The following RNF180 variants were observed in gnomAD, a reference collection of about 807,000 sequenced individuals.
RNF180 encodes E3 ubiquitin-protein ligase RNF180.
RNF180 carries 38 observed loss-of-function variants against 59.2 expected under a neutral mutation model. That is an observed-to-expected ratio of 0.64 (90% confidence interval 0.50 to 0.84). RNF180 has a LOEUF of 0.84. RNF180 is among the 40% of genes least tolerant of loss of function. The pLI is 0.00. For synonymous variants in RNF180, 262 were observed against 240.3 expected (o/e 1.09, Z -0.84); for missense variants, 705 against 700.9 (o/e 1.01, Z -0.07).
intron 7 of RNF180, among the ~76,000 whole-genome samples, chr5:64,334,088 T>C (rs989026615): frequency 1.3e-5 from 2 of 152,202 alleles, no homozygotes; most frequent in African/African-American, 2.4e-5. Flanking sequence ...ATTCACTCAC[T>C]GTTGAGAATG....
chr5:64,231,707 T>G (rs1742111121), intron 5 of RNF180, among the ~76,000 whole-genome samples: 1 of 152,236 alleles, frequency 6.6e-6, no homozygotes, highest in South Asian at 2.1e-4. Flanking sequence ...TGCTGAATTT[T>G]GCTGTACCAG....
At chr5:64,236,217 C>T (rs528099354) in intron 5 of RNF180, among the ~76,000 whole-genome samples, 1 of 152,284 alleles carries the variant, frequency 6.6e-6, no homozygotes, top group African/African-American at 2.4e-5. Flanking sequence ...CTGAGTTGGT[C>T]TCAGGTGGAG....
At chr5:64,296,591 CAGT>C (rs1468535147) in intron 5 of RNF180, among the ~76,000 whole-genome samples, 6 of 151,560 alleles carry the variant, frequency 4.0e-5, no homozygotes, top group East Asian at 1.9e-4. Flanking sequence ...AGAAGAATCT[CAGT>C]AGGATTCTTT....
chr5:64,189,748 T>C (rs1242636811), intron 1 of RNF180, among the ~76,000 whole-genome samples: 5 of 152,202 alleles, frequency 3.3e-5, no homozygotes. Context: ...AAAGCATGTT[T>C]TGGAGAGGAC....
At chr5:64,208,851 T>C (rs1352603890) in intron 2 of RNF180, among the ~76,000 whole-genome samples, 1 of 152,012 alleles carries the variant, frequency 6.6e-6, no homozygotes, top group African/African-American at 2.4e-5. Context: ...TGCTGTTTTA[T>C]ATTATTTTTT....
At chr5:64,242,096 T>C (rs1415097176) in intron 5 of RNF180, among the ~76,000 whole-genome samples, 1 of 152,228 alleles carries the variant, frequency 6.6e-6, no homozygotes, top group Non-Finnish European at 1.5e-5. Flanking sequence ...CCCAGCCTTC[T>C]GACACAATCC....
chr5:64,265,707 A>G (rs1328055417), intron 5 of RNF180, among the ~76,000 whole-genome samples: 2 of 152,116 alleles, frequency 1.3e-5, no homozygotes, highest in African/African-American at 2.4e-5. Context: ...CTTGCTAGAC[A>G]GGCTCTTTTT....
intron 2 of RNF180, among the ~76,000 whole-genome samples, chr5:64,201,210 G>T (rs1274920320): frequency 3.3e-5 from 5 of 152,118 alleles, no homozygotes; most frequent in African/African-American, 7.2e-5. Context: ...AATGTTATAG[G>T]CATAAGCTGA....
At chr5:64,299,307 G>A (rs1743046381) in intron 5 of RNF180, among the ~76,000 whole-genome samples, 1 of 151,640 alleles carries the variant, frequency 6.6e-6, no homozygotes, top group South Asian at 2.1e-4. Context: ...ATTTTTCTTG[G>A]CAACTCAGGG....
intron 1 of RNF180, among the ~76,000 whole-genome samples, chr5:64,197,174 C>T (rs1369033879): frequency 6.6e-6 from 1 of 152,052 alleles, no homozygotes. Flanking sequence ...AATTCCAGTG[C>T]TTGGTATTAT....
intron 5 of RNF180, among the ~76,000 whole-genome samples, chr5:64,290,035 C>A (rs1742491602): frequency 6.6e-6 from 1 of 152,016 alleles, no homozygotes; most frequent in African/African-American, 2.4e-5. Flanking sequence ...TATAATTTTC[C>A]CTCTTAACAC....
At chr5:64,332,689 A>C (rs1407016764) in intron 7 of RNF180, among the ~76,000 whole-genome samples, 4 of 152,234 alleles carry the variant, frequency 2.6e-5, no homozygotes, top group African/African-American at 9.6e-5. Flanking sequence ...AACATACAAT[A>C]TGGACATAAA....
Position 64,293,787 on chromosome 5 carries a change from G to A in RNF180, c.1228-31399G>A, listed in dbSNP as rs143129841. Among the ~76,000 whole-genome samples, 741 of 152,000 alleles carry A rather than the reference G, an allele frequency of 4.9e-3. 6 individuals are homozygous for A. The highest frequency in any genetic ancestry group is 0.017 in the African/African-American group (708 of 41,452). ...TATCAAAGAAAGCACTGTTTCTTTTGCCAGAAACAGCTTTATCCTAACTTG... is the reference window on the plus strand; with the variant it reads ...TATCAAAGAAAGCACTGTTTCTTTTACCAGAAACAGCTTTATCCTAACTTG... On this transcript the variant is annotated intron_variant, in intron 5 of 7. Transcript: ENST00000389100.
At chr5:64,337,848 T>C (rs1047111719) in intron 7 of RNF180, among the ~76,000 whole-genome samples, 1 of 152,214 alleles carries the variant, frequency 6.6e-6, no homozygotes, top group African/African-American at 2.4e-5. Context: ...ATCTCTTTTA[T>C]GGCTGCATAG....
intron 5 of RNF180, among the ~76,000 whole-genome samples, chr5:64,244,094 A>G (rs1481779770): frequency 6.6e-6 from 1 of 152,200 alleles, no homozygotes; most frequent in Non-Finnish European, 1.5e-5. Flanking sequence ...AAGGTCACCA[A>G]CATCAAAACC....
intron 5 of RNF180, among the ~76,000 whole-genome samples, chr5:64,248,254 A>C (rs1743317330): frequency 2.0e-5 from 3 of 152,208 alleles, no homozygotes; most frequent in Admixed American, 2.0e-4. Context: ...CAAAATAGAC[A>C]AATGGGCCTA....
At chr5:64,188,029 C>T (rs552060445) in intron 1 of RNF180, among the ~76,000 whole-genome samples, 22 of 152,236 alleles carry the variant, frequency 1.4e-4, no homozygotes, top group African/African-American at 5.3e-4. Flanking sequence ...TCAGTTCTTC[C>T]GTGCTCACAA....
intron 5 of RNF180, among the ~76,000 whole-genome samples, chr5:64,283,040 GT>G (rs1339293354): frequency 6.6e-6 from 1 of 152,140 alleles, no homozygotes; most frequent in Non-Finnish European, 1.5e-5. Flanking sequence ...TTAAGTTCAA[GT>G]TTAGATATCT....
rs1211247271 is a variant in RNF180, at chr5:64,198,963, G to A, written c.1-1845G>A. ...CCCAAGTAGCTGGGACTACAGGCATGTTGCCACCACACACGGCTAAATTTT... is the reference window on the plus strand; with the variant it reads ...CCCAAGTAGCTGGGACTACAGGCATATTGCCACCACACACGGCTAAATTTT... On this transcript the variant is annotated intron_variant, in intron 1 of 7. Coordinates refer to ENST00000389100, the MANE Select transcript of RNF180 (RefSeq NM_001113561.2). Among the ~76,000 whole-genome samples the A allele has an allele frequency of 6.6e-5, 10 of 152,024 alleles. No homozygotes were observed. The East Asian group carries it at 1.9e-3, about 29-fold the overall frequency.
Sources: allele counts gnomAD v4.1 joint callset (sites outside exome capture counted in the v4.1 genomes callset), GRCh38; gene constraint gnomAD v4.1.1; transcripts MANE v1.5; gene names NCBI Gene and HGNC (gene_info 2026-07-23, HGNC 2026-07-21).